Variants in AMPH observed in about 807,000 individuals in gnomAD.
AMPH encodes amphiphysin (Stiff-Mann syndrome with breast cancer 128kD autoantigen).
AMPH carries 49 observed loss-of-function variants against 99.1 expected under a neutral mutation model. The ratio of observed to expected loss-of-function variants is 0.49; its 90% CI spans 0.39 to 0.63. The LOEUF (loss-of-function observed/expected upper bound fraction) is 0.63. Among genes scored for constraint, AMPH ranks in the 20% least tolerant of loss-of-function variants. The pLI is 0.00. For synonymous variants in AMPH, 314 were observed against 317.3 expected, an observed-to-expected ratio of 0.99 and a Z score of 0.11; for missense variants, 759 against 863.4, an observed-to-expected ratio of 0.88 and a Z score of 1.52.
At chr7:38,628,990 C>G (rs1794359238) in intron 1 of AMPH, among the ~76,000 whole-genome samples, 1 of 152,154 alleles carries the variant, frequency 6.6e-6, no homozygotes, top group Admixed American at 6.5e-5. Flanking sequence ...GGAGTGGACT[C>G]TCTTTTAAGA....
chr7:38,465,758 A>G (rs1305298094), intron 8 of AMPH, among the ~76,000 whole-genome samples: 1 of 152,176 alleles, frequency 6.6e-6, no homozygotes, highest in African/African-American at 2.4e-5. Context: ...AACTAAATAT[A>G]TATGTATATA....
At chr7:38,402,483 C>T (rs538662385) in intron 17 of AMPH, among the ~76,000 whole-genome samples, 47 of 152,270 alleles carry the variant, frequency 3.1e-4, no homozygotes, top group African/African-American at 1.1e-3. Context: ...GACGTGGAAA[C>T]ATTTTCTTTG....
At chr7:38,516,814 G>C (rs932299536) in intron 2 of AMPH, among the ~76,000 whole-genome samples, 3 of 152,212 alleles carry the variant, frequency 2.0e-5, no homozygotes, top group Non-Finnish European at 2.9e-5. Context: ...AGCTGCCCAA[G>C]GCCTTGGGAG....
intron 20 of AMPH, 83 bp from the exon 21 acceptor site, chr7:38,385,008 A>T: frequency 1.6e-6 from 2 of 1,262,314 alleles, no homozygotes; most frequent in Non-Finnish European, 2.3e-6. Context: ...AATGTGTTAC[A>T]TTAGTGTTGT....
At chr7:38,533,038 G>C (rs573487667) in intron 2 of AMPH, among the ~76,000 whole-genome samples, 2 of 152,234 alleles carry the variant, frequency 1.3e-5, no homozygotes, top group Admixed American at 6.5e-5. Context: ...CAGACATTTG[G>C]GATTGCCTGC....
intron 4 of AMPH, among the ~76,000 whole-genome samples, chr7:38,494,212 T>C (rs1348829395): frequency 6.6e-6 from 1 of 152,120 alleles, no homozygotes; most frequent in Non-Finnish European, 1.5e-5. Flanking sequence ...ACCCGCCTCG[T>C]CCTCCCAAAG....
chr7:38,432,044 C>T (rs1304299565), intron 13 of AMPH, 145 bp downstream of exon 13: 2 of 787,340 alleles, frequency 2.5e-6, no homozygotes, highest in African/African-American at 1.7e-5. Flanking sequence ...TCAAGACTTT[C>T]AGTGGCCTAA....
At chr7:38,404,824 A>G (rs951068304) in intron 17 of AMPH, among the ~76,000 whole-genome samples, 7 of 152,312 alleles carry the variant, frequency 4.6e-5, no homozygotes, top group Admixed American at 6.5e-5. Context: ...ATCTTGATAG[A>G]GAAGTATTTA....
rs1456162678 is a variant in AMPH, at chr7:38,394,106, C to T, written c.1507G>A (p.Glu503Lys). The T allele has an allele frequency of 6.2e-7, 1 of 1,614,094 alleles. No individual in the cohort carries two copies. Among genetic ancestry groups the T allele is most frequent in the African/African-American group, 1.3e-5 (1 of 74,934 alleles). ...EAEKATVPAG[E>K]GVSLEEAKIG... ...TTGGCCTCCTCTAAACTTACTCCTTCCCCGGCAGGGACAGTGGCCTTCTCC... is the reference window on the plus strand; with the variant it reads ...TTGGCCTCCTCTAAACTTACTCCTTTCCCGGCAGGGACAGTGGCCTTCTCC... Residue 503 changes from glutamate (E) to lysine (K), a missense_variant, in exon 18 of 21, where the codon GAA (glutamate) becomes AAA (lysine). By Grantham distance (56) the Glu-to-Lys change is moderately conservative. Coordinates refer to ENST00000356264, the MANE Select transcript of AMPH (RefSeq NM_001635.4).
intron 1 of AMPH, among the ~76,000 whole-genome samples, chr7:38,617,944 T>C (rs1793931772): frequency 6.6e-6 from 1 of 152,234 alleles, no homozygotes; most frequent in African/African-American, 2.4e-5. Flanking sequence ...TAACTTTATT[T>C]ATACTATGGC....
intron 3 of AMPH, among the ~76,000 whole-genome samples, chr7:38,500,067 G>A (rs1334892195): frequency 2.0e-5 from 3 of 152,116 alleles, no homozygotes; most frequent in Non-Finnish European, 2.9e-5. Context: ...GCGTGAGAAC[G>A]GACTAACACA....
chr7:38,387,191 CTT>C (rs1272859604), intron 20 of AMPH, among the ~76,000 whole-genome samples: 2 of 152,188 alleles, frequency 1.3e-5, no homozygotes, highest in Non-Finnish European at 2.9e-5. Flanking sequence ...GAGTCAGACT[CTT>C]TACCACGTAT....
intron 1 of AMPH, among the ~76,000 whole-genome samples, chr7:38,584,595 T>G (rs13242776): frequency 6.6e-6 from 1 of 152,164 alleles, no homozygotes; most frequent in Non-Finnish European, 1.5e-5. Flanking sequence ...ATTCCTGAAC[T>G]GGTAGGTCAC....
chr7:38,549,689 T>C (rs1791114505), intron 1 of AMPH, among the ~76,000 whole-genome samples: 1 of 152,234 alleles, frequency 6.6e-6, no homozygotes, highest in Admixed American at 6.5e-5. Context: ...CATATGGTCT[T>C]GGTGTAAAGC....
chr7:38,465,717 T>C (rs1787626407), intron 8 of AMPH, among the ~76,000 whole-genome samples, 168 bp from the exon 9 acceptor site: 1 of 152,204 alleles, frequency 6.6e-6, no homozygotes, highest in Admixed American at 6.5e-5. Context: ...TTAAAATCTA[T>C]GTCAAAACTG....
chr7:38,558,636 T>C (rs1381189225), intron 1 of AMPH, among the ~76,000 whole-genome samples: 1 of 152,188 alleles, frequency 6.6e-6, no homozygotes, highest in Non-Finnish European at 1.5e-5. Flanking sequence ...ATAAAGCATT[T>C]CCTTTTAATG....
At chr7:38,401,800 T>C (rs879398020) in intron 17 of AMPH, among the ~76,000 whole-genome samples, 7 of 152,200 alleles carry the variant, frequency 4.6e-5, no homozygotes, top group Non-Finnish European at 7.3e-5. Flanking sequence ...TTGCTTTTTT[T>C]GGTGATTTCT....
chr7:38,504,074 T>C (rs974753524), intron 2 of AMPH, among the ~76,000 whole-genome samples: 1 of 152,224 alleles, frequency 6.6e-6, no homozygotes, highest in African/African-American at 2.4e-5. Context: ...GTACTTGCAA[T>C]TGAGATGTAC....
Position 38,443,791 on chromosome 7 carries a change from G to T in AMPH, c.1018-7403C>A, listed in dbSNP as rs569490764. 2.6e-5 allele frequency among the ~76,000 whole-genome samples: 4 copies of T among 151,072 alleles called. No homozygotes were observed. In the East Asian group the frequency reaches 7.8e-4, roughly 29 times the overall value. ...GCTCTTCCTCTAAGATCAAGACAAG[G>T]GTGACTGCTTTACTACTTTTACTCA... is the stretch of plus-strand genomic sequence containing the variant. On this transcript the variant is annotated intron_variant, in intron 11 of 20. Transcript: ENST00000356264.
Sources: allele counts gnomAD v4.1 joint callset (sites outside exome capture counted in the v4.1 genomes callset), GRCh38; gene constraint gnomAD v4.1.1; transcripts MANE v1.5; gene names NCBI Gene and HGNC (gene_info 2026-07-23, HGNC 2026-07-21).